Variants in SLC9A9 observed in about 807,000 individuals in gnomAD.
SLC9A9 encodes the protein sodium/hydrogen exchanger 9.
SLC9A9 carries 62 observed loss-of-function variants against 77.8 expected under a neutral mutation model. The ratio of observed to expected loss-of-function variants is 0.80; its 90% confidence interval spans 0.65 to 0.98. SLC9A9 has a LOEUF of 0.98. Among genes scored for constraint, SLC9A9 ranks in the 50% least tolerant of loss-of-function variants. The pLI is 0.00. For missense variants in SLC9A9, 775 were observed against 774.9 expected, an observed-to-expected ratio of 1.00 and a Z score of 0.00; for synonymous variants, 320 against 283.5, an observed-to-expected ratio of 1.13 and a Z score of -1.29.
chr3:143,825,992 C>T (rs1022742745), intron 2 of SLC9A9, among the ~76,000 whole-genome samples: 12 of 152,196 alleles, frequency 7.9e-5, no homozygotes, highest in Non-Finnish European at 1.6e-4. Context: ...GGCACTGTGG[C>T]TCACACCTAT....
chr3:143,594,208 T>A (rs2037712397), intron 6 of SLC9A9, among the ~76,000 whole-genome samples: 1 of 152,250 alleles, frequency 6.6e-6, no homozygotes, highest in African/African-American at 2.4e-5. Context: ...GTTAGTAAAC[T>A]GAGTGATCAC....
chr3:143,667,725 T>C (rs1348634409), intron 5 of SLC9A9, among the ~76,000 whole-genome samples: 1 of 152,046 alleles, frequency 6.6e-6, no homozygotes. Context: ...AAAAGACACA[T>C]GAAAAAATGT....
chr3:143,449,722 T>G (rs2034945182), intron 12 of SLC9A9, among the ~76,000 whole-genome samples: 1 of 84,688 alleles, frequency 1.2e-5, no homozygotes, highest in South Asian at 3.7e-4. Flanking sequence ...TAAAATATAA[T>G]TATATAAAAT....
At chr3:143,448,607 C>T (rs2034889806) in intron 12 of SLC9A9, among the ~76,000 whole-genome samples, 1 of 151,672 alleles carries the variant, frequency 6.6e-6, no homozygotes, top group South Asian at 2.1e-4. Flanking sequence ...TTAATTCAAC[C>T]TTGTTGGAAA....
chr3:143,266,654 C>T lies in SLC9A9; in HGVS notation c.*48G>A, dbSNP rs1041776440. On this transcript the variant is annotated 3_prime_UTR_variant, in exon 16 of 16. Transcript: ENST00000316549. ...CCTCATCAGCTTGGCTTGTATTCCT[C>T]AGTGAGTCTTGCATTACTTGTGATT... The T allele has an allele frequency of 6.3e-7, 1 of 1,596,418 alleles. No individual in the cohort carries two copies. Among genetic ancestry groups the T allele is most frequent in the Non-Finnish European group, 8.6e-7 (1 of 1,164,756 alleles).
At chr3:143,656,334 T>C (rs969719392) in intron 5 of SLC9A9, among the ~76,000 whole-genome samples, 1 of 152,196 alleles carries the variant, frequency 6.6e-6, no homozygotes, top group African/African-American at 2.4e-5. Context: ...AAACTAATCC[T>C]TTTTCATCTC....
intron 9 of SLC9A9, among the ~76,000 whole-genome samples, chr3:143,513,377 A>G (rs887921410): frequency 3.3e-5 from 5 of 152,182 alleles, no homozygotes; most frequent in Non-Finnish European, 7.4e-5. Context: ...TCATCTGTTC[A>G]AGTTTTATCA....
intron 9 of SLC9A9, among the ~76,000 whole-genome samples, chr3:143,540,883 A>G (rs1559959627): frequency 1.3e-5 from 2 of 152,210 alleles, no homozygotes; most frequent in Admixed American, 1.3e-4. Flanking sequence ...TTGATACTAA[A>G]TTTTTTAAAA....
chr3:143,344,570 G>C (rs1252061477), intron 14 of SLC9A9: 4 of 152,112 alleles, frequency 2.6e-5, no homozygotes, highest in Non-Finnish European at 5.9e-5. Flanking sequence ...TCTACCAAAT[G>C]TAAGAAATAT....
At chr3:143,358,884 A>G (rs1337838349) in intron 14 of SLC9A9, among the ~76,000 whole-genome samples, 2 of 152,364 alleles carry the variant, frequency 1.3e-5, no homozygotes, top group African/African-American at 4.8e-5. Flanking sequence ...CTTCTAAGCC[A>G]GAGTCAGGCT....
intron 6 of SLC9A9, among the ~76,000 whole-genome samples, chr3:143,646,042 A>G (rs2038702239): frequency 6.6e-6 from 1 of 152,128 alleles, no homozygotes; most frequent in African/African-American, 2.4e-5. Flanking sequence ...ATGGGTAGCA[A>G]AAGAATTTCA....
In SLC9A9 at chr3:143,631,173, G is replaced by T. The variant is rs114360995; in HGVS notation, c.755+21082C>A. Among the ~76,000 whole-genome samples the T allele has an allele frequency of 6.4e-3, 981 of 152,138 alleles. 12 individuals carry two copies. The highest frequency in any genetic ancestry group is 0.022 in the African/African-American group (902 of 41,516). On this transcript the variant is annotated intron_variant, in intron 6 of 15. Transcript: ENST00000316549. ...ATCTAACTCTAAATCCTTCAAATTA[G>T]TCCGCAAGTTACTGATGAGAGGCCA...
chr3:143,606,436 C>CTCTCTCTCTCTCTCTATATA (rs1419410834), intron 6 of SLC9A9, among the ~76,000 whole-genome samples: 16 of 54,214 alleles, frequency 3.0e-4, no homozygotes, highest in African/African-American at 1.1e-3. Flanking sequence ...CTCTCTCTCT[C>CTCTCTCTCTCTCTCTATATA]TATATATATA....
chr3:143,490,698 GA>G (rs1389709025), intron 11 of SLC9A9, among the ~76,000 whole-genome samples: 2 of 151,562 alleles, frequency 1.3e-5, no homozygotes, highest in Non-Finnish European at 1.5e-5. Flanking sequence ...ATAAAAAAAT[GA>G]AAAAAAAGAG....
chr3:143,464,154 C>T (rs2035242857), intron 12 of SLC9A9, among the ~76,000 whole-genome samples: 1 of 152,190 alleles, frequency 6.6e-6, no homozygotes, highest in African/African-American at 2.4e-5. Context: ...GTCTTCGTGT[C>T]TCTTGGGTTT....
At chr3:143,443,134 C>T (rs1236016118) in intron 12 of SLC9A9, among the ~76,000 whole-genome samples, 3 of 152,082 alleles carry the variant, frequency 2.0e-5, no homozygotes, top group Non-Finnish European at 4.4e-5. Context: ...AAACAAGCCA[C>T]CCCTGTAGGG....
At position 143,401,594 on chromosome 3, in the gene SLC9A9, AT is replaced by A. The variant is rs535260959; in HGVS notation, c.1470-19481del. Among the ~76,000 whole-genome samples, 14 of 152,282 alleles carry A rather than the reference AT, an allele frequency of 9.2e-5. No homozygotes were observed. The South Asian group carries it at 2.9e-3, about 32-fold the overall frequency. ...TCCATAAATATAATAAATCTTAAAC[AT>A]AGCTTTGTTTCCAGCCTTAATGTTA... On this transcript the variant is annotated intron_variant, in intron 12 of 15. Transcript: ENST00000316549.
chr3:143,611,050 A>C (rs530092338), intron 6 of SLC9A9, among the ~76,000 whole-genome samples: 4 of 152,224 alleles, frequency 2.6e-5, no homozygotes, highest in Admixed American at 6.5e-5. Context: ...TATTATCAAT[A>C]TTTTCAGAGG....
intron 4 of SLC9A9, among the ~76,000 whole-genome samples, chr3:143,697,665 A>G (rs1560037008): frequency 6.6e-6 from 1 of 150,618 alleles, no homozygotes; most frequent in Non-Finnish European, 1.5e-5. Flanking sequence ...TTTTGAAATC[A>G]GGAGAAACAT....
Sources: gnomAD v4.1 joint callset for allele counts (sites outside exome capture counted in the v4.1 genomes callset) on GRCh38, gnomAD v4.1.1 for gene constraint, MANE v1.5 for transcripts, NCBI Gene and HGNC (gene_info 2026-07-23, HGNC 2026-07-21) for gene names.